GARNL3: variants seen among roughly 807,000 people sequenced by gnomAD.
The protein encoded by GARNL3 is GTPase activating Rap/RanGAP domain like 3, also known as GTPase-activating Rap/Ran-GAP domain-like protein 3.
A neutral mutation model predicts 125.0 loss-of-function variants in GARNL3; 63 were observed. The ratio of observed to expected loss-of-function variants is 0.50; its 90% confidence interval spans 0.41 to 0.62. The LOEUF is 0.62. GARNL3 is among the 20% of genes least tolerant of loss of function. The pLI is 0.00. For missense variants in GARNL3, 994 were observed against 1,244.0 expected (o/e 0.80, Z 3.02); for synonymous variants, 439 against 457.5 (o/e 0.96, Z 0.52).
intron 16 of GARNL3, among the ~76,000 whole-genome samples, chr9:127,346,739 T>G (rs563640251): frequency 5.9e-5 from 9 of 152,348 alleles, no homozygotes; most frequent in Admixed American, 3.3e-4. Context: ...CCCCATGGGC[T>G]GCTGCTGTGC....
chr9:127,376,938 C>T (rs1831950360), intron 22 of GARNL3, among the ~76,000 whole-genome samples: 1 of 152,234 alleles, frequency 6.6e-6, no homozygotes, highest in African/African-American at 2.4e-5. Flanking sequence ...TACTATGCTA[C>T]TGAATGGGAA....
chr9:127,245,363 CT>C (rs2063282563), intron 2 of GARNL3: 1 of 152,556 alleles, frequency 6.6e-6, no homozygotes, highest in Non-Finnish European at 1.5e-5. Flanking sequence ...GATGGCAAAG[CT>C]GCCACGCGCA....
chr9:127,231,051 T>TATA (rs756942109), intron 1 of GARNL3, among the ~76,000 whole-genome samples: 11,225 of 55,552 alleles, frequency 0.2, 801 homozygotes, highest in Admixed American at 0.25. Context: ...TATATATATA[T>TATA]TTTTTTTTTT....
chr9:127,251,301 T>C (rs1193683682), intron 2 of GARNL3, among the ~76,000 whole-genome samples: 1 of 152,200 alleles, frequency 6.6e-6, no homozygotes, highest in East Asian at 1.9e-4. Context: ...GCTTCCTATA[T>C]TTCCGTGAGT....
chr9:127,248,607 T>C (rs1487748018), intron 2 of GARNL3, among the ~76,000 whole-genome samples: 3 of 133,270 alleles, frequency 2.3e-5, no homozygotes, highest in Admixed American at 7.2e-5. Flanking sequence ...TTTTTTTTTT[T>C]TTTTTTTTTT....
At chr9:127,256,529 A>G (rs1232185253) in intron 2 of GARNL3, among the ~76,000 whole-genome samples, 1 of 152,058 alleles carries the variant, frequency 6.6e-6, no homozygotes, top group South Asian at 2.1e-4. Flanking sequence ...TTTCTTTCCC[A>G]CTGCACTGTA....
intron 2 of GARNL3, among the ~76,000 whole-genome samples, chr9:127,247,538 G>A (rs2131191271): frequency 6.6e-6 from 1 of 152,274 alleles, no homozygotes; most frequent in Non-Finnish European, 1.5e-5. Context: ...GATCTTTTGA[G>A]CAAAGTTGCC....
At chr9:127,243,025 T>G in intron 1 of GARNL3, 1 of 1,287,366 alleles carries the variant, frequency 7.8e-7, no homozygotes, top group African/African-American at 1.5e-5. Flanking sequence ...GGCCAGGGAT[T>G]GGCCTGCCGT....
intron 14 of GARNL3, 101 bp downstream of exon 14, chr9:127,342,435 G>A: frequency 1.3e-6 from 1 of 781,118 alleles, no homozygotes; most frequent in East Asian, 2.5e-5. Flanking sequence ...AAGCGTAGGA[G>A]GCGCCTTGAT....
intron 10 of GARNL3, 47 bp downstream of exon 10, chr9:127,335,380 A>T (rs1564151733): frequency 7.3e-7 from 1 of 1,367,932 alleles, no homozygotes; most frequent in Non-Finnish European, 1.0e-6. Flanking sequence ...GAATGTGGAG[A>T]GGGCACCATT....
chr9:127,298,175 T>G (rs1261712156), intron 2 of GARNL3, among the ~76,000 whole-genome samples: 1 of 152,134 alleles, frequency 6.6e-6, no homozygotes. Flanking sequence ...TTTTTGTTTT[T>G]GGTTTTTTGG....
intron 15 of GARNL3, 79 bp downstream of exon 15, chr9:127,344,418 A>T (rs766600701): frequency 1.1e-6 from 1 of 932,950 alleles, no homozygotes; most frequent in South Asian, 1.4e-5. Context: ...ATGTGCAAAG[A>T]CTTTGTTTGC....
Position 127,334,107 on chromosome 9 carries a change from C to T in GARNL3, c.769+986C>T, listed in dbSNP as rs1829417417. 2.0e-5 allele frequency among the ~76,000 whole-genome samples: 3 copies of T among 152,156 alleles called. No individual in the cohort carries two copies. In the South Asian group the frequency reaches 6.2e-4, roughly 32 times the overall value. Reference sequence around the variant, plus strand: ...ACTTGAAGACACTTCAGGGTTTCTGCCCTGGGTAGCTGGGTGGGGTTGGCA... The same window carrying T: ...ACTTGAAGACACTTCAGGGTTTCTGTCCTGGGTAGCTGGGTGGGGTTGGCA... On this transcript the variant is annotated intron_variant, in intron 9 of 27. Transcript: ENST00000373387.
intron 6 of GARNL3, among the ~76,000 whole-genome samples, chr9:127,322,675 G>A (rs538469053): frequency 2.8e-4 from 42 of 152,298 alleles, no homozygotes; most frequent in Non-Finnish European, 5.0e-4. Context: ...GAAGAGTTGA[G>A]CAACAGGCTT....
chr9:127,337,079 G>C (rs893307966), intron 11 of GARNL3, among the ~76,000 whole-genome samples: 2 of 152,202 alleles, frequency 1.3e-5, no homozygotes, highest in African/African-American at 4.8e-5. Flanking sequence ...ATGGAAGTAA[G>C]TGTTTAAAAG....
intron 2 of GARNL3, chr9:127,300,516 G>A (rs2064750210): frequency 5.5e-6 from 2 of 364,264 alleles, no homozygotes; most frequent in Admixed American, 7.7e-5. Flanking sequence ...GTGCAGTGGT[G>A]GGATCTTGGC....
At chr9:127,391,312 A>C (rs1351209092) in intron 27 of GARNL3, among the ~76,000 whole-genome samples, 2 of 146,138 alleles carry the variant, frequency 1.4e-5, no homozygotes, top group African/African-American at 5.0e-5. Context: ...TATATATTTT[A>C]TATTTATATA....
chr9:127,262,289 T>C (rs1413446619), upstream of GARNL3, among the ~76,000 whole-genome samples: 1 of 152,252 alleles, frequency 6.6e-6, no homozygotes, highest in Non-Finnish European at 1.5e-5. Context: ...CTAGTACAGA[T>C]GTTTTTTGTG....
chr9:127,225,815 CGCGCCCCTTGCGCCCCTCGCGCCCCTT>C (rs2062901395), intron 1 of GARNL3, among the ~76,000 whole-genome samples: 1 of 4,482 alleles, frequency 2.2e-4, no homozygotes, highest in African/African-American at 6.0e-4. Context: ...CCGCGCCCCT[CGCGCCCCTTGCGCCCCTCGCGCCCCTT>C]GCGCCCCTCT....
Sources: gnomAD v4.1 joint callset for allele counts (sites outside exome capture counted in the v4.1 genomes callset) on GRCh38, gnomAD v4.1.1 for gene constraint, MANE v1.5 for transcripts, NCBI Gene and HGNC (gene_info 2026-07-23, HGNC 2026-07-21) for gene names.